The following PLPP1 variants were observed in gnomAD, a reference collection of about 807,000 sequenced individuals.
PLPP1 encodes the protein phospholipid phosphatase 1.
Under a neutral mutation model 31.2 loss-of-function variants are expected in PLPP1, and 24 were observed. The ratio of observed to expected loss-of-function variants is 0.77; its 90% CI spans 0.56 to 1.08. PLPP1 has a LOEUF of 1.08. Ranked by LOEUF, PLPP1 falls within the 50% of genes least tolerant of loss-of-function variation. The pLI is 0.00. For synonymous variants in PLPP1, 146 were observed against 126.3 expected (o/e 1.16, Z -1.05); for missense variants, 319 against 342.7 (o/e 0.93, Z 0.55).
intron 1 of PLPP1, chr5:55,530,352 A>G: frequency 7.3e-7 from 1 of 1,376,490 alleles, no homozygotes; most frequent in Non-Finnish European, 1.0e-6. Context: ...TATCTGAAAT[A>G]AGTGATTACT....
intron 4 of PLPP1, among the ~76,000 whole-genome samples, chr5:55,431,717 G>T (rs1350516623): frequency 2.0e-5 from 3 of 152,026 alleles, no homozygotes; most frequent in African/African-American, 7.2e-5. Context: ...AGAAAAACAA[G>T]AACAAACCTA....
rs774206264 is a variant in PLPP1 at position 55,534,662 on chromosome 5, G to A, written c.-33C>T. ...GCCCGGGCTGCCCGGCAAGGGCGAT[G>A]GACTGAGCTGCGGGACGGCGGCCGA... On this transcript the variant is annotated 5_prime_UTR_variant, in exon 1 of 6. Transcript: ENST00000307259. 217 of 1,526,220 alleles carry A rather than the reference G, an allele frequency of 1.4e-4. No individual in the cohort carries two copies. The highest frequency in any genetic ancestry group is 1.8e-4 in the Non-Finnish European group (209 of 1,138,072). The allele number at this position is 1,526,220 out of a possible 1,614,324, so 94.5% of individuals were successfully genotyped here. A position where few individuals can be genotyped will look rare whatever the true frequency, so the allele number is the denominator to read the frequency against.
At chr5:55,510,418 G>A (rs1307018381) in intron 1 of PLPP1, among the ~76,000 whole-genome samples, 1 of 152,142 alleles carries the variant, frequency 6.6e-6, no homozygotes, top group East Asian at 1.9e-4. Context: ...AGAAGAATGA[G>A]GGCACTCAGG....
chr5:55,523,009 C>T (rs994234631), intron 1 of PLPP1, among the ~76,000 whole-genome samples: 3 of 152,158 alleles, frequency 2.0e-5, no homozygotes, highest in African/African-American at 4.8e-5. Flanking sequence ...TGACCCACCA[C>T]GCCAGGCCCA....
chr5:55,459,233 A>G (rs1332405835), intron 3 of PLPP1, among the ~76,000 whole-genome samples: 4 of 148,640 alleles, frequency 2.7e-5, no homozygotes, highest in Admixed American at 6.8e-5. Context: ...AATACAGCAG[A>G]AAAAAAAAAC....
chr5:55,502,499 A>C (rs1753169715), intron 1 of PLPP1, among the ~76,000 whole-genome samples: 1 of 152,182 alleles, frequency 6.6e-6, no homozygotes, highest in Admixed American at 6.5e-5. Context: ...AAAAAAAAAA[A>C]AAATGTCCAA....
chr5:55,458,915 A>AAAAAAC (rs1561231077), intron 3 of PLPP1, among the ~76,000 whole-genome samples: 2 of 148,952 alleles, frequency 1.3e-5, no homozygotes, highest in African/African-American at 5.0e-5. Context: ...AAAAAAAAAA[A>AAAAAAC]ACACATAGCA....
At chr5:55,491,003 G>A (rs1268255077) in intron 1 of PLPP1, 1 of 1,613,288 alleles carries the variant, frequency 6.2e-7, no homozygotes, top group Non-Finnish European at 8.5e-7. Flanking sequence ...GAGGACAGTG[G>A]ATGTGACGGT....
At chr5:55,437,525 G>A (rs10940464) in intron 4 of PLPP1, among the ~76,000 whole-genome samples, 126,415 of 148,062 alleles carry the variant, frequency 0.85, 54,107 homozygotes, top group South Asian at 0.92. Context: ...ACCTTTCACT[G>A]AAAAAAAAAA....
intron 1 of PLPP1, chr5:55,491,224 G>A (rs757841425): frequency 3.3e-4 from 378 of 1,161,498 alleles, no homozygotes; most frequent in Non-Finnish European, 4.4e-4. Flanking sequence ...GCCCTCTCTG[G>A]AGATGGATCT....
chr5:55,486,672 T>C (rs1561242379), intron 1 of PLPP1, among the ~76,000 whole-genome samples: 1 of 151,772 alleles, frequency 6.6e-6, no homozygotes, highest in East Asian at 1.9e-4. Context: ...CCCAACACTT[T>C]GGGAGGCCGA....
chr5:55,455,343 G>A (rs1367721030), intron 3 of PLPP1, among the ~76,000 whole-genome samples: 2 of 152,174 alleles, frequency 1.3e-5, no homozygotes, highest in Non-Finnish European at 2.9e-5. Flanking sequence ...TGTAATCCCG[G>A]CACTGTAGGA....
At chr5:55,508,155 G>C (rs1753324501) in intron 1 of PLPP1, among the ~76,000 whole-genome samples, 1 of 152,108 alleles carries the variant, frequency 6.6e-6, no homozygotes, top group African/African-American at 2.4e-5. Flanking sequence ...ACCATGCCTG[G>C]TCTAATAATT....
In PLPP1 at chr5:55,424,879, T is replaced by C; in HGVS notation, c.*327A>G. The C allele has an allele frequency of 1.3e-6, 1 of 747,354 alleles. No homozygotes were observed. The highest frequency in any genetic ancestry group is 2.7e-5 in the East Asian group (1 of 37,504). The allele number at this position is 747,354 out of a possible 1,614,324, so 46.3% of individuals were successfully genotyped here. A position where few individuals can be genotyped will look rare whatever the true frequency, so the allele number is the denominator to read the frequency against. On this transcript the variant is annotated 3_prime_UTR_variant, in exon 6 of 6. Transcript: ENST00000307259. ...TTTGGTTCTCCCATACATTTTAATA[T>C]GTATTATATTTAAATCAAACATCAT...
intron 3 of PLPP1, among the ~76,000 whole-genome samples, chr5:55,464,985 A>G (rs577799339): frequency 3.2e-4 from 49 of 151,806 alleles, no homozygotes; most frequent in Non-Finnish European, 6.3e-4. Context: ...ACTAGTATCT[A>G]TTCTATTTTT....
At position 55,529,269 on chromosome 5, in the gene PLPP1, G is replaced by GTATA. The variant is rs34583149; in HGVS notation, c.58+5299_58+5302dup. ...CATACGTGTATATATACACACAAAA[G>GTATA]TATATATATATACATATACATCTTT... is the stretch of plus-strand genomic sequence containing the variant. On this transcript the variant is annotated intron_variant, in intron 1 of 5. Coordinates refer to ENST00000307259, the MANE Select transcript of PLPP1 (RefSeq NM_003711.4). Among the ~76,000 whole-genome samples the GTATA allele has an allele frequency of 7.9e-4, 119 of 150,778 alleles. 2 individuals are homozygous for GTATA. The highest frequency in any genetic ancestry group is 4.2e-4 in the South Asian group (2 of 4,778).
intron 2 of PLPP1, among the ~76,000 whole-genome samples, chr5:55,470,190 C>CAT (rs1195693587): frequency 1.3e-5 from 2 of 152,148 alleles, no homozygotes; most frequent in Non-Finnish European, 2.9e-5. Flanking sequence ...CTCCTTAGGC[C>CAT]ATTAAGGGGT....
At chr5:55,497,398 A>G (rs917581560) in intron 1 of PLPP1, among the ~76,000 whole-genome samples, 2 of 149,566 alleles carry the variant, frequency 1.3e-5, no homozygotes, top group Non-Finnish European at 3.0e-5. Flanking sequence ...GGCCTGTGCT[A>G]CCATTCCTGG....
rs1281789640 is a variant in PLPP1, at chr5:55,425,926, A to C, written c.663T>G (p.Tyr221Ter). 1 of 1,613,906 alleles carries C rather than the reference A, an allele frequency of 6.2e-7. No homozygotes were observed. Reference sequence around the variant, plus strand: ...TCAACACATCGCTCCAGTGGTGTTTATAATCAGAAACTCGAGAAAGGCCCA... The same window carrying C: ...TCAACACATCGCTCCAGTGGTGTTTCTAATCAGAAACTCGAGAAAGGCCCA... ...IYVGLSRVSD[Y>*]KHHWSDVLTG... Residue 221 changes from tyrosine (Y) to a stop codon, truncating the protein, a stop_gained, in exon 5 of 6, where the codon TAT becomes TAG. Coordinates refer to ENST00000307259, the MANE Select transcript of PLPP1 (RefSeq NM_003711.4). LOFTEE classifies it high-confidence loss of function.
Sources: gnomAD v4.1 joint callset for allele counts (sites outside exome capture counted in the v4.1 genomes callset) on GRCh38, gnomAD v4.1.1 for gene constraint, MANE v1.5 for transcripts, NCBI Gene and HGNC (gene_info 2026-07-23, HGNC 2026-07-21) for gene names.